Variants in RBFOX2 observed in about 807,000 individuals in gnomAD.
RBFOX2 encodes RNA binding protein fox-1 homolog 2.
In RBFOX2, 10 loss-of-function variants were observed where a neutral mutation model predicts 49.1. That is an observed-to-expected ratio of 0.20 (90% CI 0.13 to 0.35). RBFOX2 has a LOEUF of 0.35. RBFOX2 is among the 10% of genes least tolerant of loss of function. RBFOX2 has a pLI of 1.00. For missense variants in RBFOX2, 323 were observed against 486.9 expected (o/e 0.66, Z 3.17); for synonymous variants, 183 against 187.4 (o/e 0.98, Z 0.19).
At chr22:35,990,171 G>A (rs1373183924) in intron 1 of RBFOX2, among the ~76,000 whole-genome samples, 1 of 152,132 alleles carries the variant, frequency 6.6e-6, no homozygotes, top group African/African-American at 2.4e-5. Flanking sequence ...GACAGAGTGA[G>A]ACTCTGTCTA....
intron 1 of RBFOX2, among the ~76,000 whole-genome samples, chr22:35,825,133 T>C (rs1267501007): frequency 6.6e-6 from 1 of 152,188 alleles, no homozygotes; most frequent in Non-Finnish European, 1.5e-5. Context: ...GACAGTAGAA[T>C]TGCTTGAACC....
intron 1 of RBFOX2, among the ~76,000 whole-genome samples, chr22:35,883,838 G>A (rs1011969232): frequency 3.3e-5 from 5 of 151,818 alleles, no homozygotes; most frequent in African/African-American, 7.3e-5. Context: ...TTAAGACCTC[G>A]TGACAATCGC....
In RBFOX2 at chr22:35,961,649, C is replaced by T. The variant is rs927501442; in HGVS notation, c.-45G>A. The stretch of plus-strand genomic sequence containing the variant: ...GAATTCTAAACCCTGCTGCTCTCCC[C>T]TTGCACACAGCTACCATCTCCATGG... On this transcript the variant is annotated 5_prime_UTR_variant, in exon 1 of 6. Transcript: ENST00000408983. 4.6e-6 allele frequency: 6 copies of T among 1,304,020 alleles called. No homozygotes were observed. The African/African-American group carries it at 9.1e-5, about 20-fold the overall frequency. The allele number at this position is 1,304,020 out of a possible 1,614,324, so 80.8% of individuals were successfully genotyped here. A position where few individuals can be genotyped will look rare whatever the true frequency, so the allele number is the denominator to read the frequency against.
At chr22:35,961,042 GAAC>G (rs994955450) in intron 1 of RBFOX2, among the ~76,000 whole-genome samples, 3 of 151,912 alleles carry the variant, frequency 2.0e-5, no homozygotes, top group Admixed American at 6.6e-5. Flanking sequence ...CATATGTTCA[GAAC>G]AACTGTCTTG....
intron 1 of RBFOX2, among the ~76,000 whole-genome samples, chr22:35,869,825 G>A (rs1293830145): frequency 6.6e-6 from 1 of 152,206 alleles, no homozygotes; most frequent in Non-Finnish European, 1.5e-5. Context: ...GAGAAAATGA[G>A]AGACTCTAAA....
chr22:35,912,982 C>T (rs948991858), intron 1 of RBFOX2, among the ~76,000 whole-genome samples: 3 of 152,142 alleles, frequency 2.0e-5, no homozygotes, highest in African/African-American at 7.2e-5. Flanking sequence ...AACACCTAGG[C>T]CAGTGCCTTT....
At chr22:35,919,061 C>T (rs1183177260) in intron 1 of RBFOX2, among the ~76,000 whole-genome samples, 1 of 152,082 alleles carries the variant, frequency 6.6e-6, no homozygotes, top group Non-Finnish European at 1.5e-5. Context: ...AAATGAAGTA[C>T]TGCTATAACA....
At chr22:36,019,226 C>A (rs180785658) in intron 1 of RBFOX2, among the ~76,000 whole-genome samples, 41 of 152,304 alleles carry the variant, frequency 2.7e-4, no homozygotes, top group African/African-American at 8.9e-4. Context: ...GATACTGCAG[C>A]AGTCCTTTCA....
At chr22:35,898,405 C>A in intron 1 of RBFOX2, 18 of 436,744 alleles carry the variant, frequency 4.1e-5, no homozygotes, top group African/African-American at 8.4e-5. Context: ...CGGCCGCCAT[C>A]TTCTCCCACA....
chr22:35,778,527 TA>T (rs1201973993), intron 3 of RBFOX2, among the ~76,000 whole-genome samples: 1 of 151,652 alleles, frequency 6.6e-6, no homozygotes, highest in Non-Finnish European at 1.5e-5. Flanking sequence ...AAACAGAAAA[TA>T]AAGATAATCT....
chr22:35,751,591 T>C (rs1183789690), intron 9 of RBFOX2, among the ~76,000 whole-genome samples: 2 of 152,148 alleles, frequency 1.3e-5, no homozygotes, highest in Non-Finnish European at 2.9e-5. Flanking sequence ...CTAAGAACCA[T>C]GGTTCTAGGA....
intron 1 of RBFOX2, among the ~76,000 whole-genome samples, chr22:35,875,297 T>A (rs575889229): frequency 1.3e-5 from 2 of 152,030 alleles, no homozygotes; most frequent in Non-Finnish European, 2.9e-5. Context: ...ATATTTTAGG[T>A]TTATTAAATA....
intron 1 of RBFOX2, among the ~76,000 whole-genome samples, chr22:35,949,941 C>T (rs1354085275): frequency 1.3e-5 from 2 of 151,898 alleles, no homozygotes; most frequent in Admixed American, 1.3e-4. Flanking sequence ...TCTGTTTTTT[C>T]TTTTGTTGCC....
rs143678369 is a variant in RBFOX2, at chr22:35,750,302, T to C, written c.888-3741A>G. 199 of 594,354 alleles carry C rather than the reference T, an allele frequency of 3.3e-4. 2 individuals carry two copies. The East Asian group carries it at 5.7e-3, about 17-fold the overall frequency. The allele number at this position is 594,354 out of a possible 1,614,324, so 36.8% of individuals were successfully genotyped here. A position where few individuals can be genotyped will look rare whatever the true frequency, so the allele number is the denominator to read the frequency against. On this transcript the variant is annotated intron_variant, in intron 9 of 11. Coordinates refer to ENST00000405409, the Ensembl canonical transcript of RBFOX2. Reference sequence around the variant, plus strand: ...ACAAAAAAAGAGGAGAAATAATTCATTTGGAGATATGAAGTCATGAAATAG... The same window carrying C: ...ACAAAAAAAGAGGAGAAATAATTCACTTGGAGATATGAAGTCATGAAATAG...
At chr22:35,868,197 C>A (rs940826333) in intron 1 of RBFOX2, among the ~76,000 whole-genome samples, 1 of 152,010 alleles carries the variant, frequency 6.6e-6, no homozygotes, top group Non-Finnish European at 1.5e-5. Context: ...AGCAATGGGA[C>A]CTGGGTGACA....
At chr22:35,901,730 T>C (rs2048597996) in intron 1 of RBFOX2, among the ~76,000 whole-genome samples, 1 of 152,138 alleles carries the variant, frequency 6.6e-6, no homozygotes, top group Non-Finnish European at 1.5e-5. Flanking sequence ...AGTGATTTGT[T>C]AGAGCTCTTA....
At chr22:35,763,276 T>A (rs767590876) in intron 6 of RBFOX2, among the ~76,000 whole-genome samples, 8 of 152,118 alleles carry the variant, frequency 5.3e-5, no homozygotes, top group Non-Finnish European at 1.2e-4. Context: ...TAAATCCACA[T>A]AATGGGCAGG....
chr22:35,752,376 G>A (rs1935278443), intron 9 of RBFOX2, among the ~76,000 whole-genome samples: 1 of 152,200 alleles, frequency 6.6e-6, no homozygotes, highest in African/African-American at 2.4e-5. Context: ...ACACCTGGCT[G>A]GGATATGTGT....
intron 1 of RBFOX2, among the ~76,000 whole-genome samples, chr22:35,848,272 A>G (rs1039263526): frequency 1.3e-5 from 2 of 152,198 alleles, no homozygotes; most frequent in Non-Finnish European, 1.5e-5. Context: ...AGCCCAAGCT[A>G]TTGTTTTATG....
Sources: gnomAD v4.1 joint callset for allele counts (sites outside exome capture counted in the v4.1 genomes callset) on GRCh38, gnomAD v4.1.1 for gene constraint, MANE v1.5 for transcripts, NCBI Gene and HGNC (gene_info 2026-07-23, HGNC 2026-07-21) for gene names.